Variants in RASEF observed in about 807,000 individuals in gnomAD.
RASEF encodes RAS and EF-hand domain containing.
In RASEF, 68 loss-of-function variants were observed where a neutral mutation model predicts 90.1. That is an observed-to-expected ratio of 0.75 (90% CI 0.62 to 0.92). The LOEUF (loss-of-function observed/expected upper bound fraction) is 0.92, where lower values mean the gene tolerates loss of function less well. Among genes scored for constraint, RASEF ranks in the 40% least tolerant of loss-of-function variants. The pLI is 0.00. For missense variants in RASEF, 949 were observed against 937.2 expected, an observed-to-expected ratio of 1.01 and a Z score of -0.16; for synonymous variants, 331 against 345.2, an observed-to-expected ratio of 0.96 and a Z score of 0.46.
At chr9:83,003,329 G>A (rs768412656) in intron 9 of RASEF, among the ~76,000 whole-genome samples, 2 of 152,186 alleles carry the variant, frequency 1.3e-5, no homozygotes, top group African/African-American at 2.4e-5. Context: ...TGCTGGGGAC[G>A]TGATGACTTT....
At chr9:83,037,993 G>A (rs1001671861) in intron 1 of RASEF, among the ~76,000 whole-genome samples, 1 of 152,018 alleles carries the variant, frequency 6.6e-6, no homozygotes, top group African/African-American at 2.4e-5. Flanking sequence ...TTATTATTTG[G>A]AATATCTGAA....
intron 1 of RASEF, among the ~76,000 whole-genome samples, chr9:83,044,470 G>A (rs1051922217): frequency 6.6e-6 from 1 of 152,006 alleles, no homozygotes; most frequent in Non-Finnish European, 1.5e-5. Flanking sequence ...GCATCTCAGA[G>A]CCATAAGCAG....
At chr9:83,150,876 C>G in the RASEF span, among the ~76,000 whole-genome samples, 1 of 152,138 alleles carries the variant, frequency 6.6e-6, no homozygotes. Context: ...AAAGTGAGCT[C>G]CTCTGATCCC....
the RASEF span, among the ~76,000 whole-genome samples, chr9:83,214,576 G>A: frequency 6.6e-6 from 1 of 152,008 alleles, no homozygotes; most frequent in South Asian, 2.1e-4. Context: ...ATCTTGAATT[G>A]TAGCTCCAAT....
chr9:83,097,142 A>G, the RASEF span, among the ~76,000 whole-genome samples: 66,913 of 152,014 alleles, frequency 0.44, 15,082 homozygotes, highest in East Asian at 0.7. Flanking sequence ...CTTTGGGTAT[A>G]TACCCAGTAA....
the RASEF span, among the ~76,000 whole-genome samples, chr9:83,076,747 A>C: frequency 1.3e-5 from 2 of 152,190 alleles, no homozygotes; most frequent in African/African-American, 4.8e-5. Context: ...AATTCATTAC[A>C]AAAACCTCAG....
the RASEF span, among the ~76,000 whole-genome samples, chr9:83,072,198 C>T: frequency 6.6e-6 from 1 of 152,168 alleles, no homozygotes. Flanking sequence ...ACCTTCCATA[C>T]AGAGATTAGG....
At position 82,980,745 on chromosome 9, in the gene RASEF, T is replaced by C. The variant is rs866193259; in HGVS notation, c.*1932A>G. ...CTAAGACAAACAGCCATGGCAAAAG[T>C]TTTCCCATGCCACATAAATAATACC... is the stretch of plus-strand genomic sequence containing the variant. On this transcript the variant is annotated 3_prime_UTR_variant, in exon 17 of 17. Coordinates refer to ENST00000376447, the MANE Select transcript of RASEF (RefSeq NM_152573.4). 6.6e-6 allele frequency: 1 copy of C among 152,148 alleles called. No homozygotes were observed. The highest frequency in any genetic ancestry group is 1.5e-5 in the Non-Finnish European group (1 of 68,028). 9.4% of individuals were successfully genotyped at this position (152,148 alleles called of 1,614,324 possible).
the RASEF span, among the ~76,000 whole-genome samples, chr9:83,129,381 T>C: frequency 1.2e-4 from 17 of 147,178 alleles, no homozygotes; most frequent in Non-Finnish European, 2.2e-4. Context: ...CACTCCAGCA[T>C]GGGTGACAGA....
At chr9:83,117,063 T>C in the RASEF span, among the ~76,000 whole-genome samples, 1 of 151,976 alleles carries the variant, frequency 6.6e-6, no homozygotes, top group Non-Finnish European at 1.5e-5. Flanking sequence ...AGGAAGAGAG[T>C]CGATTGAAGT....
chr9:83,104,285 T>C, the RASEF span, among the ~76,000 whole-genome samples: 1 of 152,194 alleles, frequency 6.6e-6, no homozygotes, highest in African/African-American at 2.4e-5. Flanking sequence ...CTGAATTCAT[T>C]ATTCTTGTTT....
intron 6 of RASEF, among the ~76,000 whole-genome samples, chr9:83,008,891 C>T (rs936367976): frequency 1.0e-4 from 2 of 19,564 alleles, no homozygotes; most frequent in Non-Finnish European, 2.3e-4. Flanking sequence ...AAGTTCTCAT[C>T]ATATATATAT....
chr9:83,123,158 T>G, the RASEF span, among the ~76,000 whole-genome samples: 1 of 148,486 alleles, frequency 6.7e-6, no homozygotes, highest in East Asian at 2.0e-4. Context: ...GAGAATCACT[T>G]GAATCCGGGA....
chr9:83,057,544 A>G (rs1284764717), intron 1 of RASEF, among the ~76,000 whole-genome samples: 3 of 152,290 alleles, frequency 2.0e-5, no homozygotes, highest in Admixed American at 6.5e-5. Context: ...ACAGACATAA[A>G]CAGAGACACA....
At position 83,012,402 on chromosome 9, in the gene RASEF, T is replaced by C. The variant is rs745714214; in HGVS notation, c.843+32A>G. 3 of 1,193,408 alleles carry C rather than the reference T, an allele frequency of 2.5e-6. No homozygotes were observed. The East Asian group carries it at 7.9e-5, about 32-fold the overall frequency. The allele number at this position is 1,193,408 out of a possible 1,614,324, so 73.9% of individuals were successfully genotyped here. A position where few individuals can be genotyped will look rare whatever the true frequency, so the allele number is the denominator to read the frequency against. On this transcript the variant is annotated intron_variant, in intron 5 of 16. Transcript: ENST00000376447. Reference sequence around the variant, plus strand: ...CATGAGGATGTGGTCTAACAGGAAGTGCATTTCTGTAAGTGAAAAGGTAAT... The same window carrying C: ...CATGAGGATGTGGTCTAACAGGAAGCGCATTTCTGTAAGTGAAAAGGTAAT...
the RASEF span, among the ~76,000 whole-genome samples, chr9:83,122,066 A>C: frequency 6.6e-6 from 1 of 152,210 alleles, no homozygotes; most frequent in Non-Finnish European, 1.5e-5. Flanking sequence ...TATTTTTAAA[A>C]ACTTATTATC....
At chr9:83,035,623 C>T (rs1829727267) in intron 1 of RASEF, among the ~76,000 whole-genome samples, 1 of 152,078 alleles carries the variant, frequency 6.6e-6, no homozygotes, top group Non-Finnish European at 1.5e-5. Context: ...ATTTGCTCTC[C>T]CCGTATTTCT....
At chr9:83,209,365 A>G in the RASEF span, among the ~76,000 whole-genome samples, 1 of 152,242 alleles carries the variant, frequency 6.6e-6, no homozygotes, top group South Asian at 2.1e-4. Context: ...TGTCTGCTTC[A>G]TTCTGTGGAG....
At chr9:83,033,698 GA>G (rs1290163181) in intron 1 of RASEF, among the ~76,000 whole-genome samples, 1 of 152,180 alleles carries the variant, frequency 6.6e-6, no homozygotes, top group African/African-American at 2.4e-5. Flanking sequence ...AAAAGATTTT[GA>G]AATAAATGTG....
Sources: gnomAD v4.1 joint callset for allele counts (sites outside exome capture counted in the v4.1 genomes callset) on GRCh38, gnomAD v4.1.1 for gene constraint, MANE v1.5 for transcripts, NCBI Gene and HGNC (gene_info 2026-07-23, HGNC 2026-07-21) for gene names.